The following ACMSD variants were observed in gnomAD, a reference collection of about 807,000 sequenced individuals.
ACMSD encodes the protein 2-amino-3-carboxymuconate-6-semialdehyde decarboxylase.
In ACMSD, 37 loss-of-function variants were observed where a neutral mutation model predicts 45.9. The ratio of observed to expected loss-of-function variants is 0.81; its 90% CI spans 0.62 to 1.06. ACMSD has a LOEUF of 1.06. ACMSD is among the 50% of genes least tolerant of loss of function. The pLI is 0.00. For missense variants in ACMSD, 434 were observed against 420.9 expected (o/e 1.03, Z -0.27); for synonymous variants, 138 against 148.8 (o/e 0.93, Z 0.53).
Position 134,845,247 on chromosome 2 carries a change from A to G in ACMSD, c.72A>G (p.Gly24=), listed in dbSNP as rs1262976755. Residue 24 remains glycine, a synonymous_variant, in exon 2 of 10, where the codon GGA becomes GGG. Transcript: ENST00000356140. The part of the protein sequence containing the change: ...WPDLKKRFGY[G]GWVQLQHHSK... The stretch of plus-strand genomic sequence containing the variant: ...CCCCACTGCAGAGGTTTGGCTACGG[A>G]GGCTGGGTGCAGCTCCAACACCACA... 1 of 1,613,890 alleles carries G rather than the reference A, an allele frequency of 6.2e-7. No individual in the cohort carries two copies. The highest frequency in any genetic ancestry group is 8.5e-7 in the Non-Finnish European group (1 of 1,179,972).
chr2:134,875,483 T>C (rs1319992807), intron 8 of ACMSD, among the ~76,000 whole-genome samples: 1 of 152,148 alleles, frequency 6.6e-6, no homozygotes, highest in Non-Finnish European at 1.5e-5. Flanking sequence ...CCTGTGCTAT[T>C]TGGTCAGAAA....
At chr2:134,865,128 C>T (rs901182439) in intron 5 of ACMSD, among the ~76,000 whole-genome samples, 2 of 152,150 alleles carry the variant, frequency 1.3e-5, no homozygotes, top group African/African-American at 4.8e-5. Flanking sequence ...TAACTACAGG[C>T]AAAAAATTTT....
chr2:134,856,662 T>A (rs1034363975), intron 2 of ACMSD, among the ~76,000 whole-genome samples: 1 of 144,952 alleles, frequency 6.9e-6, no homozygotes, highest in Non-Finnish European at 1.6e-5. Context: ...CTTTGCCCCT[T>A]TTTTCACCCA....
intron 8 of ACMSD, among the ~76,000 whole-genome samples, chr2:134,889,769 A>G (rs1339503283): frequency 1.3e-5 from 2 of 152,106 alleles, no homozygotes; most frequent in South Asian, 2.1e-4. Context: ...GGGAAATAGC[A>G]TAAGGATACA....
chr2:134,884,554 G>T (rs1689217934), intron 8 of ACMSD, among the ~76,000 whole-genome samples: 1 of 152,124 alleles, frequency 6.6e-6, no homozygotes, highest in Non-Finnish European at 1.5e-5. Flanking sequence ...AACAGCTTTA[G>T]CAAGAGGAGT....
At chr2:134,878,864 A>T (rs1272267478) in intron 8 of ACMSD, among the ~76,000 whole-genome samples, 2 of 152,190 alleles carry the variant, frequency 1.3e-5, no homozygotes, top group Admixed American at 6.5e-5. Context: ...TCACATCATT[A>T]GGCAAAAGAC....
At chr2:134,880,099 G>T (rs1009703226) in intron 8 of ACMSD, among the ~76,000 whole-genome samples, 4 of 152,122 alleles carry the variant, frequency 2.6e-5, no homozygotes, top group African/African-American at 9.7e-5. Context: ...CTAATTGTTT[G>T]GCTAGGTAAC....
Position 134,861,958 on chromosome 2 carries a change from T to C in ACMSD, c.200-11T>C. The stretch of plus-strand genomic sequence containing the variant: ...CTCACCAGCTTTGCCCTTCTTTGTG[T>C]CCATGTCTAGGAGTAACAGTGCAAG... On this transcript the variant is annotated splice_polypyrimidine_tract_variant and intron_variant, in intron 3 of 9. Transcript: ENST00000356140. 1 of 1,614,126 alleles carries C rather than the reference T, an allele frequency of 6.2e-7. No homozygotes were observed. The highest frequency in any genetic ancestry group is 8.5e-7 in the Non-Finnish European group (1 of 1,180,002).
At chr2:134,872,985 C>G (rs563820999) in intron 8 of ACMSD, 1 of 219,790 alleles carries the variant, frequency 4.5e-6, no homozygotes, top group East Asian at 9.0e-5. Context: ...GAAAGGGGCA[C>G]AAGTTTCAAA....
intron 8 of ACMSD, among the ~76,000 whole-genome samples, chr2:134,896,102 T>TA (rs1301869739): frequency 6.6e-6 from 1 of 151,892 alleles, no homozygotes; most frequent in Non-Finnish European, 1.5e-5. Context: ...TATCCACATG[T>TA]AAAAAAAATA....
chr2:134,871,403 T>C (rs1006985943), intron 7 of ACMSD, among the ~76,000 whole-genome samples: 2 of 152,206 alleles, frequency 1.3e-5, no homozygotes, highest in African/African-American at 4.8e-5. Context: ...CTTCAGCATA[T>C]GAGTTTTGAA....
chr2:134,857,056 T>C (rs1248720024), intron 2 of ACMSD, among the ~76,000 whole-genome samples: 1 of 152,222 alleles, frequency 6.6e-6, no homozygotes, highest in Non-Finnish European at 1.5e-5. Flanking sequence ...TGTGTCTTCT[T>C]TAATTTTTTC....
intron 2 of ACMSD, among the ~76,000 whole-genome samples, chr2:134,855,352 C>G (rs1687531923): frequency 6.6e-6 from 1 of 152,198 alleles, no homozygotes; most frequent in Admixed American, 6.5e-5. Context: ...CTGGATACTG[C>G]CCCCAGCACC....
chr2:134,843,521 C>G (rs2104809625), intron 1 of ACMSD, among the ~76,000 whole-genome samples: 1 of 152,266 alleles, frequency 6.6e-6, no homozygotes, highest in Non-Finnish European at 1.5e-5. Flanking sequence ...CCAGACCTTC[C>G]CCTCAGTCTA....
At chr2:134,840,193 A>AAAAAAAAAAAAAAAAAAAAAT (rs1686735247) in intron 1 of ACMSD, among the ~76,000 whole-genome samples, 1 of 116,542 alleles carries the variant, frequency 8.6e-6, no homozygotes, top group Non-Finnish European at 1.8e-5. Context: ...AAAAAAAAAA[A>AAAAAAAAAAAAAAAAAAAAAT]CCACTAATTC....
intron 9 of ACMSD, among the ~76,000 whole-genome samples, chr2:134,900,079 C>A (rs1690412950): frequency 6.6e-6 from 1 of 151,934 alleles, no homozygotes; most frequent in Non-Finnish European, 1.5e-5. Context: ...AAGGTAAATA[C>A]CACTAAAGAA....
chr2:134,851,838 G>GA (rs1356730984), intron 2 of ACMSD, among the ~76,000 whole-genome samples: 1 of 152,098 alleles, frequency 6.6e-6, no homozygotes, highest in Non-Finnish European at 1.5e-5. Context: ...TCTCATTGTG[G>GA]TTTTGATTTG....
intron 8 of ACMSD, among the ~76,000 whole-genome samples, chr2:134,886,243 ATTATTTTTTTTTT>A (rs1689436881): frequency 8.1e-6 from 1 of 123,498 alleles, no homozygotes; most frequent in East Asian, 2.5e-4. Context: ...CATTATTATT[ATTATTTTTTTTTT>A]TTTTTTTTTT....
chr2:134,863,888 C>G (rs1212554197), intron 5 of ACMSD, among the ~76,000 whole-genome samples: 1 of 152,136 alleles, frequency 6.6e-6, no homozygotes, highest in Non-Finnish European at 1.5e-5. Flanking sequence ...ATCCCCCTTG[C>G]CCTCCTTTTA....
Sources: gnomAD v4.1 joint callset for allele counts (sites outside exome capture counted in the v4.1 genomes callset) on GRCh38, gnomAD v4.1.1 for gene constraint, MANE v1.5 for transcripts, NCBI Gene and HGNC (gene_info 2026-07-23, HGNC 2026-07-21) for gene names.